Variants in AP4E1 observed in about 807,000 individuals in gnomAD.
AP4E1 encodes AP-4 complex subunit epsilon-1.
AP4E1 carries 56 observed loss-of-function variants against 128.2 expected under a neutral mutation model. The observed-to-expected ratio is 0.44, with a 90% CI of 0.35 to 0.55. The LOEUF (loss-of-function observed/expected upper bound fraction) is 0.55. Ranked by LOEUF, AP4E1 falls within the 20% of genes least tolerant of loss-of-function variation. AP4E1 has a pLI of 0.00. For synonymous variants in AP4E1, 484 were observed against 473.1 expected (o/e 1.02, Z -0.30); for missense variants, 1,324 against 1,307.7 (o/e 1.01, Z -0.19).
chr15:50,979,136 A>T (rs1321406633), intron 15 of AP4E1, among the ~76,000 whole-genome samples: 1 of 151,866 alleles, frequency 6.6e-6, no homozygotes, highest in Non-Finnish European at 1.5e-5. Context: ...ACATTTCTTG[A>T]GGTATTCACT....
chr15:50,986,372 C>G (rs892851257), intron 16 of AP4E1, among the ~76,000 whole-genome samples: 1 of 152,320 alleles, frequency 6.6e-6, no homozygotes, highest in East Asian at 1.9e-4. Context: ...GAGAGGGCAT[C>G]CCTGTCTTGT....
chr15:50,946,897 G>A (rs1247574330), intron 10 of AP4E1, among the ~76,000 whole-genome samples: 7 of 152,176 alleles, frequency 4.6e-5, no homozygotes, highest in African/African-American at 1.2e-4. Context: ...GCAGCTGTGC[G>A]CTGTGGCTCA....
intron 16 of AP4E1, among the ~76,000 whole-genome samples, chr15:50,991,006 C>G (rs764149681): frequency 5.3e-5 from 8 of 152,160 alleles, no homozygotes; most frequent in Non-Finnish European, 1.0e-4. Context: ...CCTCTGCTGA[C>G]CCCATGGGGA....
chr15:50,958,880 T>C (rs2064271152), intron 14 of AP4E1, 86 bp downstream of exon 14: 1 of 1,381,568 alleles, frequency 7.2e-7, no homozygotes, highest in Admixed American at 1.7e-5. Context: ...CAGGAATATA[T>C]CAAAATGTGG....
intron 10 of AP4E1, chr15:50,944,593 A>C (rs2064031993): frequency 8.3e-6 from 2 of 239,762 alleles, no homozygotes; most frequent in Non-Finnish European, 1.6e-5. Context: ...AGTTAAAAAA[A>C]AAAAATCAGG....
At chr15:50,907,585 C>G (rs1596445614), upstream of AP4E1, among the ~76,000 whole-genome samples, 1 of 152,222 alleles carries the variant, frequency 6.6e-6, no homozygotes, top group Non-Finnish European at 1.5e-5. Flanking sequence ...GCATTAATCT[C>G]TGAAAACGCA....
chr15:50,910,154 T>G (rs2063547019), intron 1 of AP4E1, among the ~76,000 whole-genome samples: 1 of 152,150 alleles, frequency 6.6e-6, no homozygotes, highest in Non-Finnish European at 1.5e-5. Flanking sequence ...GCCCGGCTAA[T>G]TTTTGTATTT....
In AP4E1 at chr15:51,002,685, T is replaced by A; in HGVS notation, c.*23T>A. The A allele has an allele frequency of 1.2e-6, 2 of 1,613,546 alleles. No homozygotes were observed. The highest frequency in any genetic ancestry group is 1.7e-6 in the Non-Finnish European group (2 of 1,179,696). On this transcript the variant is annotated 3_prime_UTR_variant, in exon 21 of 21. Coordinates refer to ENST00000261842, the MANE Select transcript of AP4E1 (RefSeq NM_007347.5). ...TAGCAGAAGCCCTGCTAAATTTTACTCCATCAAGATCAATGGTTTACATAG... is the reference window on the plus strand; with the variant it reads ...TAGCAGAAGCCCTGCTAAATTTTACACCATCAAGATCAATGGTTTACATAG...
intron 16 of AP4E1, among the ~76,000 whole-genome samples, chr15:50,990,258 T>A (rs2064785609): frequency 6.6e-6 from 1 of 151,448 alleles, no homozygotes; most frequent in African/African-American, 2.4e-5. Context: ...TTCTAATGTT[T>A]CATATAATTA....
chr15:50,939,952 T>C (rs2063960692), intron 8 of AP4E1, among the ~76,000 whole-genome samples: 1 of 152,190 alleles, frequency 6.6e-6, no homozygotes, highest in Admixed American at 6.5e-5. Flanking sequence ...TATTCTCCTT[T>C]GCTTTTTGTT....
intron 15 of AP4E1, among the ~76,000 whole-genome samples, chr15:50,980,548 C>G (rs958203887): frequency 1.3e-5 from 2 of 152,152 alleles, no homozygotes; most frequent in African/African-American, 4.8e-5. Context: ...AGGATCTGGT[C>G]AAGTGACTGT....
chr15:50,928,186 C>A (rs778261610), intron 5 of AP4E1, among the ~76,000 whole-genome samples: 1 of 152,130 alleles, frequency 6.6e-6, no homozygotes, highest in Admixed American at 6.6e-5. Flanking sequence ...CCCCTCTGTC[C>A]CCCAGAATAT....
At chr15:50,930,755 T>G (rs769593142) in intron 6 of AP4E1, 50 bp from the exon 7 acceptor site, 1 of 1,572,402 alleles carries the variant, frequency 6.4e-7, no homozygotes, top group South Asian at 1.1e-5. Context: ...TAGGTCTATT[T>G]CTATTTAATA....
intron 7 of AP4E1, among the ~76,000 whole-genome samples, chr15:50,933,874 T>C (rs1368675427): frequency 6.6e-6 from 1 of 152,148 alleles, no homozygotes; most frequent in Admixed American, 6.5e-5. Flanking sequence ...GTATGTATCC[T>C]GTGTTGCTGG....
chr15:50,976,502 G>C (rs1016375325), intron 15 of AP4E1, among the ~76,000 whole-genome samples: 11 of 152,158 alleles, frequency 7.2e-5, no homozygotes, highest in African/African-American at 2.7e-4. Flanking sequence ...TGTCTCTTTT[G>C]TAGTCAACAC....
At chr15:50,908,318 C>G (rs1347699967), upstream of AP4E1, among the ~76,000 whole-genome samples, 4 of 152,144 alleles carry the variant, frequency 2.6e-5, no homozygotes, top group Admixed American at 2.6e-4. Flanking sequence ...GTGGCGCGCG[C>G]TCCGGGGACA....
chr15:50,958,053 A>T (rs1249643436), intron 13 of AP4E1, among the ~76,000 whole-genome samples: 2 of 152,186 alleles, frequency 1.3e-5, no homozygotes, highest in East Asian at 3.9e-4. Flanking sequence ...ATTCTCGGGG[A>T]CCACAGACAT....
intron 1 of AP4E1, among the ~76,000 whole-genome samples, chr15:50,910,147 C>T (rs560230092): frequency 1.3e-5 from 2 of 152,288 alleles, no homozygotes; most frequent in South Asian, 2.1e-4. Context: ...CCACTACGCC[C>T]GGCTAATTTT....
At position 51,002,509 on chromosome 15, in the gene AP4E1, A is replaced by T; in HGVS notation, c.3261A>T (p.Glu1087Asp). The T allele has an allele frequency of 6.2e-7, 1 of 1,614,126 alleles. No individual in the cohort carries two copies. Among genetic ancestry groups the T allele is most frequent in the Non-Finnish European group, 8.5e-7 (1 of 1,179,996 alleles). ...ACTTTTGTTTTGTTTTAGGCAATGA[A>T]GGGCTATTGGCCTGTCAGCTGCTCC... ...RLHIIEIIGNEGLLACQLLPS... is the reference protein window; with the variant it reads ...RLHIIEIIGNDGLLACQLLPS... Residue 1087 changes from glutamate to aspartate, a missense_variant, in exon 21 of 21, where the codon GAA (glutamate) becomes GAT (aspartate). By Grantham distance (45) the Glu-to-Asp change is conservative. Coordinates refer to ENST00000261842, the MANE Select transcript of AP4E1 (RefSeq NM_007347.5).
Sources: gnomAD v4.1 joint callset for allele counts (sites outside exome capture counted in the v4.1 genomes callset) on GRCh38, gnomAD v4.1.1 for gene constraint, MANE v1.5 for transcripts, NCBI Gene and HGNC (gene_info 2026-07-23, HGNC 2026-07-21) for gene names.